The following SLC24A2 variants were observed in gnomAD, a reference collection of about 807,000 sequenced individuals.
SLC24A2 encodes the protein sodium/potassium/calcium exchanger 2.
A neutral mutation model predicts 62.0 loss-of-function variants in SLC24A2; 36 were observed. That is an observed-to-expected ratio of 0.58 (90% CI 0.44 to 0.77). The LOEUF (loss-of-function observed/expected upper bound fraction) is 0.77. SLC24A2 is among the 30% of genes least tolerant of loss of function. The pLI is 0.00. For missense variants in SLC24A2, 846 were observed against 817.9 expected (o/e 1.03, Z -0.42); for synonymous variants, 358 against 294.0 (o/e 1.22, Z -2.23).
chr9:20,087,074 C>T, the SLC24A2 span, among the ~76,000 whole-genome samples: 1 of 152,212 alleles, frequency 6.6e-6, no homozygotes, highest in African/African-American at 2.4e-5. Flanking sequence ...CCATATATAT[C>T]TGGCTCTTGC....
chr9:19,864,932 G>C, the SLC24A2 span, among the ~76,000 whole-genome samples: 4 of 151,218 alleles, frequency 2.6e-5, no homozygotes, highest in Non-Finnish European at 4.4e-5. Context: ...CTTATATTTG[G>C]AATAACCTAA....
At chr9:20,156,854 A>T in the SLC24A2 span, among the ~76,000 whole-genome samples, 1 of 151,730 alleles carries the variant, frequency 6.6e-6, no homozygotes, top group African/African-American at 2.4e-5. Flanking sequence ...CACATCAATT[A>T]ACATTTTTCC....
chr9:19,675,507 ACT>A (rs1174810325), intron 2 of SLC24A2, among the ~76,000 whole-genome samples: 9 of 151,646 alleles, frequency 5.9e-5, no homozygotes, highest in African/African-American at 2.2e-4. Context: ...CTGAGCTCAG[ACT>A]CTTTTCGGGT....
At chr9:19,661,892 A>G (rs566580437) in intron 2 of SLC24A2, among the ~76,000 whole-genome samples, 37 of 152,330 alleles carry the variant, frequency 2.4e-4, no homozygotes, top group Admixed American at 5.2e-4. Context: ...ATCAAAACAC[A>G]TCCGAGAGCT....
chr9:19,661,969 G>T (rs557728349), intron 2 of SLC24A2, among the ~76,000 whole-genome samples: 57 of 152,202 alleles, frequency 3.7e-4, no homozygotes, highest in African/African-American at 1.3e-3. Flanking sequence ...CTTTCTTCTG[G>T]CAAATCCTTC....
intron 9 of SLC24A2, among the ~76,000 whole-genome samples, chr9:19,522,115 C>T (rs1833233775): frequency 6.6e-6 from 1 of 152,204 alleles, no homozygotes; most frequent in Admixed American, 6.5e-5. Context: ...CTCAAGCGAT[C>T]TTCCAACCTT....
chr9:19,744,277 C>T (rs1821764521), intron 2 of SLC24A2, among the ~76,000 whole-genome samples: 1 of 152,182 alleles, frequency 6.6e-6, no homozygotes, highest in Non-Finnish European at 1.5e-5. Flanking sequence ...CTCACCATAT[C>T]TAGGGATGGA....
At chr9:20,142,396 G>A in the SLC24A2 span, among the ~76,000 whole-genome samples, 1 of 151,882 alleles carries the variant, frequency 6.6e-6, no homozygotes, top group East Asian at 1.9e-4. Flanking sequence ...TTCAGACATG[G>A]ACATAGTATT....
At chr9:19,929,666 ACTC>A in the SLC24A2 span, 2 of 152,240 alleles carry the variant, frequency 1.3e-5, no homozygotes, top group East Asian at 3.9e-4. Context: ...TTTAGGGTGT[ACTC>A]CTATTTATTA....
At chr9:19,799,629 A>G in the SLC24A2 span, among the ~76,000 whole-genome samples, 1 of 152,118 alleles carries the variant, frequency 6.6e-6, no homozygotes, top group Admixed American at 6.6e-5. Context: ...TCTTGCCTTA[A>G]CTTTTAGCCT....
At chr9:19,912,671 A>T in the SLC24A2 span, among the ~76,000 whole-genome samples, 1 of 152,126 alleles carries the variant, frequency 6.6e-6, no homozygotes, top group African/African-American at 2.4e-5. Flanking sequence ...TCGTTTATAA[A>T]ATGTTCACAA....
At chr9:19,806,313 C>T in the SLC24A2 span, among the ~76,000 whole-genome samples, 1 of 152,106 alleles carries the variant, frequency 6.6e-6, no homozygotes, top group Non-Finnish European at 1.5e-5. Flanking sequence ...TACAGAAATT[C>T]AGAAAATATG....
chr9:19,762,080 T>C (rs930049215), intron 2 of SLC24A2, among the ~76,000 whole-genome samples: 3 of 152,226 alleles, frequency 2.0e-5, no homozygotes, highest in Non-Finnish European at 2.9e-5. Flanking sequence ...ATGGTTGAAC[T>C]AGTTTACAGT....
the SLC24A2 span, among the ~76,000 whole-genome samples, chr9:20,250,919 C>T: frequency 7.2e-5 from 11 of 152,108 alleles, no homozygotes; most frequent in African/African-American, 2.7e-4. Flanking sequence ...AGCTTGACAG[C>T]CTGATTCCTC....
chr9:20,251,591 AAAGT>A, the SLC24A2 span, among the ~76,000 whole-genome samples: 4 of 152,234 alleles, frequency 2.6e-5, no homozygotes, highest in Admixed American at 6.5e-5. Flanking sequence ...TTAATAAGAT[AAAGT>A]AAGTATCAGG....
chr9:19,918,694 G>A, the SLC24A2 span, among the ~76,000 whole-genome samples: 2 of 152,164 alleles, frequency 1.3e-5, no homozygotes, highest in Non-Finnish European at 1.5e-5. Flanking sequence ...CATCTTAAAT[G>A]TATTCACCAA....
At chr9:19,706,671 C>A (rs954618023) in intron 2 of SLC24A2, among the ~76,000 whole-genome samples, 29 of 152,128 alleles carry the variant, frequency 1.9e-4, no homozygotes, top group South Asian at 2.1e-4. Flanking sequence ...AGCCACCGCG[C>A]CCGGCCGGGT....
chr9:19,527,306 T>G (rs549377626), intron 9 of SLC24A2, among the ~76,000 whole-genome samples: 10 of 152,312 alleles, frequency 6.6e-5, no homozygotes, highest in Admixed American at 2.6e-4. Context: ...TATGTGATTT[T>G]GGGTAATCTT....
At chr9:19,889,185 C>G in the SLC24A2 span, among the ~76,000 whole-genome samples, 1 of 152,156 alleles carries the variant, frequency 6.6e-6, no homozygotes, top group Non-Finnish European at 1.5e-5. Flanking sequence ...CATCCCCAAC[C>G]TGGATTTACA....
Sources: allele counts gnomAD v4.1 joint callset (sites outside exome capture counted in the v4.1 genomes callset), GRCh38; gene constraint gnomAD v4.1.1; transcripts MANE v1.5; gene names NCBI Gene and HGNC (gene_info 2026-07-23, HGNC 2026-07-21).